Variants in EHF observed in about 807,000 individuals in gnomAD.
The protein encoded by EHF is ETS homologous factor.
A neutral mutation model predicts 45.1 loss-of-function variants in EHF; 14 were observed. The ratio of observed to expected loss-of-function variants is 0.31; its 90% CI spans 0.21 to 0.49. EHF has a LOEUF of 0.49. Among genes scored for constraint, EHF ranks in the 20% least tolerant of loss-of-function variants. The probability of loss-of-function intolerance (pLI) is 0.99; values close to 1 mark genes in which losing one functional copy is unlikely to be tolerated. For missense variants in EHF, 282 were observed against 371.4 expected (o/e 0.76, Z 1.98); for synonymous variants, 136 against 131.8 (o/e 1.03, Z -0.22).
intron 1 of EHF, among the ~76,000 whole-genome samples, chr11:34,625,827 C>A (rs985110140): frequency 6.6e-6 from 1 of 151,994 alleles, no homozygotes; most frequent in African/African-American, 2.4e-5. Flanking sequence ...TCCAATCTCA[C>A]CACACACCCT....
chr11:34,628,881 G>C (rs1455570989), intron 1 of EHF, among the ~76,000 whole-genome samples: 1 of 152,200 alleles, frequency 6.6e-6, no homozygotes, highest in Non-Finnish European at 1.5e-5. Context: ...CCCATGCTTA[G>C]AAAGGTTCCA....
chr11:34,648,152 T>C (rs1309999260), intron 3 of EHF, among the ~76,000 whole-genome samples: 2 of 152,172 alleles, frequency 1.3e-5, no homozygotes, highest in Non-Finnish European at 2.9e-5. Flanking sequence ...CAACTAACAT[T>C]TATTGAGTAT....
intron 1 of EHF, among the ~76,000 whole-genome samples, chr11:34,641,493 C>T (rs1853991604): frequency 6.6e-6 from 1 of 152,102 alleles, no homozygotes; most frequent in Admixed American, 6.5e-5. Flanking sequence ...TCTGGGTTGG[C>T]AATTGTAATC....
rs1301659167 is a variant in EHF, at chr11:34,654,562, AG to A, written c.545-2345del. Reference sequence around the variant, plus strand: ...AGATTTTTATTTGGGGATTAAAAAAAGAACGTTCCTAGCTGGGTGGAGCCTA... The same window carrying A: ...AGATTTTTATTTGGGGATTAAAAAAAAACGTTCCTAGCTGGGTGGAGCCTA... On this transcript the variant is annotated intron_variant, in intron 6 of 8. Transcript: ENST00000257831. Among the ~76,000 whole-genome samples the A allele has an allele frequency of 1.1e-4, 16 of 152,196 alleles. 1 individual carries two copies. Among genetic ancestry groups the A allele is most frequent in the Admixed American group, 1.0e-3 (16 of 15,282 alleles).
chr11:34,654,980 C>T (rs531892711), intron 6 of EHF, among the ~76,000 whole-genome samples: 62 of 152,268 alleles, frequency 4.1e-4, no homozygotes, highest in African/African-American at 1.4e-3. Context: ...TGCAGTACAA[C>T]GTGGCCCTGT....
intron 1 of EHF, among the ~76,000 whole-genome samples, chr11:34,629,668 G>A (rs560108739): frequency 7.1e-4 from 108 of 152,268 alleles, no homozygotes; most frequent in African/African-American, 2.5e-3. Flanking sequence ...GTGGAAGAGG[G>A]GAAGACTTTT....
intron 1 of EHF, among the ~76,000 whole-genome samples, chr11:34,633,509 A>G (rs1307955105): frequency 1.3e-5 from 2 of 152,132 alleles, no homozygotes; most frequent in Non-Finnish European, 2.9e-5. Flanking sequence ...TAGTTTAGAG[A>G]TCTGGGGTTT....
chr11:34,623,724 C>A (rs1565019072), intron 1 of EHF, among the ~76,000 whole-genome samples: 2 of 152,200 alleles, frequency 1.3e-5, no homozygotes, highest in African/African-American at 4.8e-5. Context: ...TAGAATTTCG[C>A]TTTCTGGAAT....
intron 1 of EHF, among the ~76,000 whole-genome samples, chr11:34,627,928 A>C (rs1852519134): frequency 6.6e-6 from 1 of 152,216 alleles, no homozygotes; most frequent in South Asian, 2.1e-4. Context: ...ATTTGATATC[A>C]AGTTAGATCT....
intron 6 of EHF, 138 bp from the exon 7 acceptor site, chr11:34,656,770 T>C: frequency 1.2e-6 from 1 of 849,900 alleles, no homozygotes; most frequent in Non-Finnish European, 1.8e-6. Flanking sequence ...CTGTTTTGTT[T>C]GGTTCACTAG....
At chr11:34,639,112 C>A (rs286906) in intron 1 of EHF, among the ~76,000 whole-genome samples, 18,724 of 152,138 alleles carry the variant, frequency 0.12, 1,639 homozygotes, top group Non-Finnish European at 0.19. Flanking sequence ...TAAACCAGTG[C>A]GAGAAATGGA....
chr11:34,632,616 G>T (rs1412007550), intron 1 of EHF: 13 of 1,535,546 alleles, frequency 8.5e-6, no homozygotes, highest in Admixed American at 5.9e-5. Context: ...GAAGAGGATT[G>T]GTCCTGCTTT....
chr11:34,642,063 A>G (rs1469105403), intron 1 of EHF: 2 of 152,228 alleles, frequency 1.3e-5, no homozygotes, highest in African/African-American at 4.8e-5. Flanking sequence ...TCACAAAGCC[A>G]GATACTTGAA....
intron 2 of EHF, 53 bp downstream of exon 2, chr11:34,642,780 C>A: frequency 1.5e-6 from 2 of 1,293,380 alleles, no homozygotes; most frequent in African/African-American, 1.5e-5. Context: ...GGGCTCTTTG[C>A]TTTAATTCCT....
At chr11:34,650,300 G>A (rs1855014381) in intron 4 of EHF, among the ~76,000 whole-genome samples, 1 of 152,208 alleles carries the variant, frequency 6.6e-6, no homozygotes, top group Non-Finnish European at 1.5e-5. Context: ...GGGAGAAGAA[G>A]CTCATAGAGG....
At chr11:34,655,921 C>A (rs1855625746) in intron 6 of EHF, among the ~76,000 whole-genome samples, 1 of 152,154 alleles carries the variant, frequency 6.6e-6, no homozygotes, top group Admixed American at 6.6e-5. Flanking sequence ...TTAGGAAGGG[C>A]ACATGAAAGA....
intron 4 of EHF, 91 bp from the exon 5 acceptor site, chr11:34,651,451 A>G (rs1433717344): frequency 1.9e-6 from 2 of 1,050,374 alleles, no homozygotes; most frequent in Non-Finnish European, 2.9e-6. Flanking sequence ...CACCCCCCAT[A>G]CTTTGTTGAT....
intron 1 of EHF, among the ~76,000 whole-genome samples, chr11:34,636,113 G>T (rs1415926416): frequency 6.6e-6 from 1 of 152,162 alleles, no homozygotes; most frequent in Non-Finnish European, 1.5e-5. Context: ...TCCTCCTTGA[G>T]AGTTCAATAA....
intron 2 of EHF, among the ~76,000 whole-genome samples, chr11:34,643,895 T>C (rs1298637384): frequency 6.6e-6 from 1 of 152,218 alleles, no homozygotes; most frequent in Non-Finnish European, 1.5e-5. Flanking sequence ...CAGCAGGAAG[T>C]AGAACTGGGG....
Sources: allele counts gnomAD v4.1 joint callset (sites outside exome capture counted in the v4.1 genomes callset), GRCh38; gene constraint gnomAD v4.1.1; transcripts MANE v1.5; gene names NCBI Gene and HGNC (gene_info 2026-07-23, HGNC 2026-07-21).